Variants in RBL1 observed in about 807,000 individuals in gnomAD.
The protein encoded by RBL1 is retinoblastoma-like protein 1.
A neutral mutation model predicts 123.0 loss-of-function variants in RBL1; 82 were observed. That is an observed-to-expected ratio of 0.67 (90% CI 0.56 to 0.80). The LOEUF is 0.80. Among genes scored for constraint, RBL1 ranks in the 30% least tolerant of loss-of-function variants. RBL1 has a pLI of 0.00. For missense variants in RBL1, 1,171 were observed against 1,299.6 expected (o/e 0.90, Z 1.52); for synonymous variants, 405 against 441.3 (o/e 0.92, Z 1.03).
intron 11 of RBL1, chr20:37,049,752 T>A: frequency 1.8e-6 from 1 of 540,930 alleles, no homozygotes; most frequent in Non-Finnish European, 3.3e-6. Context: ...TTTAAAAAAA[T>A]TTAAAATATT....
chr20:37,033,934 T>C lies in RBL1; in HGVS notation c.2171-1058A>G, dbSNP rs114130159. On this transcript the variant is annotated intron_variant, in intron 15 of 21. Transcript: ENST00000373664. ...GCCTGGCGCCCCCCGGGCCCCCTTT[T>C]TTTTTTCTTTTTCTTTTTTTTTTTG... 9.9e-3 allele frequency among the ~76,000 whole-genome samples: 1,480 copies of C among 149,152 alleles called. 23 individuals carry two copies. Among genetic ancestry groups the C allele is most frequent in the African/African-American group, 0.035 (1,421 of 41,178 alleles).
At chr20:37,048,590 C>T (rs1044326444) in intron 11 of RBL1, among the ~76,000 whole-genome samples, 1 of 152,088 alleles carries the variant, frequency 6.6e-6, no homozygotes, top group Non-Finnish European at 1.5e-5. Flanking sequence ...ACTATGTGAT[C>T]ACCTGAGGTC....
intron 19 of RBL1, among the ~76,000 whole-genome samples, chr20:37,012,011 CG>C (rs1339382151): frequency 6.6e-6 from 1 of 152,224 alleles, no homozygotes. Flanking sequence ...TGCAGGCGCG[CG>C]CTGTCACGCC....
chr20:37,062,204 A>G lies in RBL1; in HGVS notation c.963T>C (p.Phe321=), dbSNP rs1283745265. 2 of 1,614,174 alleles carry G rather than the reference A, an allele frequency of 1.2e-6. No individual in the cohort carries two copies. The highest frequency in any genetic ancestry group is 3.3e-5 in the Admixed American group (2 of 60,012). ...LTVGDFDERI[F]LGADAEEEIG... ...TTTCCTCTTCTGCGTCTGCTCCCAA[A>G]AAGATCCTCTCATCAAAATCACCAA... Residue 321 remains phenylalanine (F), a synonymous_variant, in exon 8 of 22, where the codon TTT becomes TTC. Transcript: ENST00000373664.
chr20:37,031,543 C>T (rs973153409), intron 16 of RBL1, among the ~76,000 whole-genome samples: 1 of 152,052 alleles, frequency 6.6e-6, no homozygotes, highest in Non-Finnish European at 1.5e-5. Flanking sequence ...AACAAACAAA[C>T]CAGAAAACAC....
intron 2 of RBL1, among the ~76,000 whole-genome samples, chr20:37,079,609 GGT>G (rs2065418205): frequency 6.6e-6 from 1 of 151,662 alleles, no homozygotes. Context: ...TGGGACTACA[GGT>G]GCATATCACC....
At chr20:37,054,601 G>A in intron 11 of RBL1, among the ~76,000 whole-genome samples, 1 of 152,046 alleles carries the variant, frequency 6.6e-6, no homozygotes, top group Admixed American at 6.6e-5. Flanking sequence ...AGGCTGAGGT[G>A]GGCAGATCAC....
intron 16 of RBL1, among the ~76,000 whole-genome samples, chr20:37,027,078 C>A (rs2064437464): frequency 6.6e-6 from 1 of 150,956 alleles, no homozygotes; most frequent in South Asian, 2.1e-4. Flanking sequence ...CATGGTGGCT[C>A]ACACCTGTTG....
intron 1 of RBL1, among the ~76,000 whole-genome samples, chr20:37,091,778 G>T (rs2065650590): frequency 6.6e-6 from 1 of 151,678 alleles, no homozygotes. Context: ...AGGATAAAAA[G>T]ATTGATAAAA....
Position 36,998,844 on chromosome 20 carries a change from G to A in RBL1, c.3122C>T (p.Ser1041Phe). 1 of 1,613,204 alleles carries A rather than the reference G, an allele frequency of 6.2e-7. No individual in the cohort carries two copies. Among genetic ancestry groups the A allele is most frequent in the Non-Finnish European group, 8.5e-7 (1 of 1,179,254 alleles). Residue 1041 changes from serine (S) to phenylalanine (F), a missense_variant, in exon 22 of 22, where the codon TCC (serine) becomes TTC (phenylalanine). By Grantham distance (155) the Ser-to-Phe change is radical. Coordinates refer to ENST00000373664, the MANE Select transcript of RBL1 (RefSeq NM_002895.5). ...RVIAIDSDAESPAKRVCQEND... is the reference protein window; with the variant it reads ...RVIAIDSDAEFPAKRVCQEND... Reference sequence around the variant, plus strand: ...TTCTTGACAGACGCGTTTGGCAGGGGATTCTGCATCACTATCGATGGCTAT... The same window carrying A: ...TTCTTGACAGACGCGTTTGGCAGGGAATTCTGCATCACTATCGATGGCTAT...
rs1157763617 is a variant in RBL1, at chr20:37,055,288, A to G, written c.1467+265T>C. On this transcript the variant is annotated intron_variant, in intron 11 of 21. Transcript: ENST00000373664. ...AGTTGCTTTAACAGGTGGAGGGATC[A>G]CTAGCTGGGAATGAAGGACAGAAAA... Among the ~76,000 whole-genome samples the G allele has an allele frequency of 2.8e-5, 4 of 142,076 alleles. No individual in the cohort carries two copies. The Admixed American group carries it at 3.0e-4, about 11-fold the overall frequency. 93.2% of individuals were successfully genotyped at this position (142,076 alleles called of 152,430 possible). A position where few individuals can be genotyped will look rare whatever the true frequency, so the allele number is the denominator to read the frequency against.
chr20:37,024,858 G>A (rs117015626), intron 16 of RBL1, among the ~76,000 whole-genome samples: 1 of 152,176 alleles, frequency 6.6e-6, no homozygotes, highest in South Asian at 2.1e-4. Flanking sequence ...ACAGTCCTTA[G>A]GCATAGGAGG....
chr20:37,050,792 A>G (rs554367975), intron 11 of RBL1, among the ~76,000 whole-genome samples: 1 of 152,176 alleles, frequency 6.6e-6, no homozygotes, highest in East Asian at 1.9e-4. Flanking sequence ...AATGAAAAAA[A>G]ACACAGTAAG....
chr20:37,045,521 A>C (rs576486254), intron 12 of RBL1, among the ~76,000 whole-genome samples: 1 of 152,220 alleles, frequency 6.6e-6, no homozygotes, highest in African/African-American at 2.4e-5. Context: ...AGGAGGCCAC[A>C]GTGAGAGGAT....
At chr20:37,023,099 T>G (rs2064368822) in intron 16 of RBL1, among the ~76,000 whole-genome samples, 1 of 151,976 alleles carries the variant, frequency 6.6e-6, no homozygotes, top group Non-Finnish European at 1.5e-5. Context: ...ACCTGCATCA[T>G]GACAATTATG....
At chr20:37,037,780 A>C in intron 14 of RBL1, among the ~76,000 whole-genome samples, 1 of 151,834 alleles carries the variant, frequency 6.6e-6, no homozygotes, top group East Asian at 1.9e-4. Flanking sequence ...GGTTCAAGCA[A>C]TTCTCTTGCC....
intron 20 of RBL1, among the ~76,000 whole-genome samples, chr20:37,005,267 C>T (rs960863296): frequency 5.9e-5 from 9 of 151,786 alleles, no homozygotes; most frequent in East Asian, 1.9e-4. Flanking sequence ...ATCAGCTGGG[C>T]GTGGTGACAG....
intron 11 of RBL1, 38 bp downstream of exon 11, chr20:37,055,515 T>C (rs1327889092): frequency 1.2e-6 from 2 of 1,613,216 alleles, no homozygotes; most frequent in African/African-American, 2.7e-5. Context: ...GGCTGACTTT[T>C]GGACCTTGCC....
rs147617825 is a variant in RBL1 at position 37,056,052 on chromosome 20, A to G, written c.1363+94T>C. 4.8e-4 allele frequency: 708 copies of G among 1,484,222 alleles called. 2 individuals are homozygous for G. The African/African-American group carries it at 9.1e-3, about 19-fold the overall frequency. 91.9% of individuals were successfully genotyped at this position (1,484,222 alleles called of 1,614,324 possible). A position where few individuals can be genotyped will look rare whatever the true frequency, so the allele number is the denominator to read the frequency against. ...ACTCGGTCTCAAAAAAAAAAAAGAA[A>G]TAAGAATAACGGGAGAGGAAAAACC... On this transcript the variant is annotated intron_variant, in intron 10 of 21. Transcript: ENST00000373664.
Sources: allele counts gnomAD v4.1 joint callset (sites outside exome capture counted in the v4.1 genomes callset), GRCh38; gene constraint gnomAD v4.1.1; transcripts MANE v1.5; gene names NCBI Gene and HGNC (gene_info 2026-07-23, HGNC 2026-07-21).